Variants in VPS13D observed in about 807,000 individuals in gnomAD.
VPS13D encodes intermembrane lipid transfer protein VPS13D.
Under a neutral mutation model 461.9 loss-of-function variants are expected in VPS13D, and 187 were observed. The observed-to-expected ratio is 0.40, with a 90% CI of 0.36 to 0.46. The LOEUF (loss-of-function observed/expected upper bound fraction) is 0.46. Ranked by LOEUF, VPS13D falls within the 20% of genes least tolerant of loss-of-function variation. VPS13D has a pLI of 0.60. For missense variants in VPS13D, 4,711 were observed against 5,364.9 expected (o/e 0.88, Z 3.81); for synonymous variants, 1,951 against 1,986.3 (o/e 0.98, Z 0.47).
rs1276510995 is a variant in VPS13D at position 12,356,476 on chromosome 1, G to A, written c.9950G>A (p.Ser3317Asn). 6.2e-7 allele frequency: 1 copy of A among 1,614,102 alleles called. No homozygotes were observed. The highest frequency in any genetic ancestry group is 1.1e-5 in the South Asian group (1 of 91,074). Residue 3317 changes from serine (S) to asparagine (N), a missense_variant, in exon 49 of 70, where the codon AGC becomes AAC. By Grantham distance (46) the Ser-to-Asn change is conservative. Transcript: ENST00000620676. ...GQFEEHELAR[S>N]LSPLLFCYAD... ...TTTGAGGAGCATGAGCTGGCCCGTA[G>A]CCTGAGTCCTCTCTTATTCTGCTAT...
chr1:12,506,741 G>A, intron 68 of VPS13D, 112 bp from the exon 69 acceptor site: 2 of 1,375,072 alleles, frequency 1.5e-6, no homozygotes, highest in Non-Finnish European at 2.0e-6. Context: ...TTCCCGGCAA[G>A]GGGGCCGGGA....
At chr1:12,368,921 T>G (rs1252593346) in intron 53 of VPS13D, among the ~76,000 whole-genome samples, 1 of 152,204 alleles carries the variant, frequency 6.6e-6, no homozygotes, top group African/African-American at 2.4e-5. Context: ...TCAGTGACAA[T>G]GGGAATGGGC....
intron 21 of VPS13D, among the ~76,000 whole-genome samples, chr1:12,284,531 C>T (rs1265254231): frequency 6.6e-6 from 1 of 152,118 alleles, no homozygotes; most frequent in Non-Finnish European, 1.5e-5. Flanking sequence ...TGTGATAGAC[C>T]AGTAGGATGT....
chr1:12,368,571 C>T lies in VPS13D; in HGVS notation c.10552C>T (p.Arg3518Ter), dbSNP rs752094174. 8 of 1,612,838 alleles carry T rather than the reference C, an allele frequency of 5.0e-6. No individual in the cohort carries two copies. Among genetic ancestry groups the T allele is most frequent in the Admixed American group, 1.7e-5 (1 of 59,768 alleles). ...CACAGATCAGTTACCTCCTCCTTTC[C>T]GAATTGACAACTTTTCTAAGGTATC... ...SDTDQLPPPF[R>*]IDNFSKVPVV... The change falls in exon 53 of 70, where the codon CGA (arginine) becomes TGA (stop). Residue 3518 changes from arginine (R) to a stop codon, truncating the protein, a stop_gained. Coordinates refer to ENST00000620676, the MANE Select transcript of VPS13D (RefSeq NM_015378.4). LOFTEE classifies it high-confidence loss of function.
At chr1:12,406,210 A>C (rs565348277) in intron 63 of VPS13D, among the ~76,000 whole-genome samples, 1 of 152,328 alleles carries the variant, frequency 6.6e-6, no homozygotes, top group East Asian at 1.9e-4. Flanking sequence ...TGTGGGAGTC[A>C]CATTTTACTG....
intron 46 of VPS13D, among the ~76,000 whole-genome samples, chr1:12,352,425 G>A (rs1476593836): frequency 6.6e-6 from 1 of 152,086 alleles, no homozygotes; most frequent in African/African-American, 2.4e-5. Flanking sequence ...ATAGACAAAA[G>A]AACGGACAAT....
At chr1:12,422,848 C>CT (rs748419781) in intron 65 of VPS13D, among the ~76,000 whole-genome samples, 1,613 of 130,498 alleles carry the variant, frequency 0.012, 15 homozygotes, top group African/African-American at 0.031. Flanking sequence ...TTTTGAAGGT[C>CT]TTTTTTTTTT....
chr1:12,307,936 A>G (rs1328730284), intron 26 of VPS13D, among the ~76,000 whole-genome samples: 1 of 152,184 alleles, frequency 6.6e-6, no homozygotes, highest in Non-Finnish European at 1.5e-5. Flanking sequence ...TGTAGGCCTA[A>G]TGGAGGAGAG....
chr1:12,244,136 AAGT>A (rs1640471027), intron 3 of VPS13D, 107 bp from the exon 4 acceptor site: 2 of 1,114,088 alleles, frequency 1.8e-6, no homozygotes, highest in African/African-American at 3.2e-5. Flanking sequence ...AAATAAAAAA[AAGT>A]AGTAACAGCA....
intron 65 of VPS13D, among the ~76,000 whole-genome samples, chr1:12,418,062 A>G (rs1013632558): frequency 1.6e-4 from 24 of 152,104 alleles, no homozygotes; most frequent in Non-Finnish European, 3.1e-4. Flanking sequence ...GCCCGGCACC[A>G]CACCCCATTG....
intron 67 of VPS13D, among the ~76,000 whole-genome samples, chr1:12,463,870 T>G (rs1284507459): frequency 6.6e-6 from 1 of 152,184 alleles, no homozygotes; most frequent in Non-Finnish European, 1.5e-5. Flanking sequence ...GTTTTAGTTT[T>G]TTCATCTATA....
chr1:12,358,340 G>T, intron 49 of VPS13D, 119 bp from the exon 50 acceptor site: 1 of 1,329,448 alleles, frequency 7.5e-7, no homozygotes, highest in South Asian at 1.4e-5. Flanking sequence ...GAGTGAGGAA[G>T]AGAGTCAGTG....
chr1:12,254,511 A>ATTTTTT (rs1330509857), intron 7 of VPS13D, among the ~76,000 whole-genome samples: 1 of 120,164 alleles, frequency 8.3e-6, no homozygotes, highest in Non-Finnish European at 1.7e-5. Flanking sequence ...AAAAATCTCA[A>ATTTTTT]TCTTTTTTTT....
chr1:12,257,104 G>A lies in VPS13D; in HGVS notation c.941+17G>A, dbSNP rs1640947861. 6.2e-7 allele frequency: 1 copy of A among 1,608,456 alleles called. No homozygotes were observed. On this transcript the variant is annotated intron_variant, in intron 9 of 69. Coordinates refer to ENST00000620676, the MANE Select transcript of VPS13D (RefSeq NM_015378.4). ...ATCTAAGAAGTAAGGGCTTCTCAGT[G>A]TGGTCATGAAATTCATGTTAGAGCC...
chr1:12,405,134 G>A (rs1487063473), intron 63 of VPS13D, among the ~76,000 whole-genome samples: 1 of 152,230 alleles, frequency 6.6e-6, no homozygotes, highest in East Asian at 1.9e-4. Context: ...CCGGGGTGGT[G>A]TCGTGTCTGC....
intron 47 of VPS13D, among the ~76,000 whole-genome samples, chr1:12,355,228 A>T (rs986566530): frequency 6.6e-6 from 1 of 152,210 alleles, no homozygotes; most frequent in Non-Finnish European, 1.5e-5. Flanking sequence ...TTGTCTACCT[A>T]TTAAGTTAGC....
At chr1:12,395,924 TC>T (rs1644488791) in intron 60 of VPS13D, among the ~76,000 whole-genome samples, 1 of 145,758 alleles carries the variant, frequency 6.9e-6, no homozygotes. Flanking sequence ...AATATTCTGT[TC>T]CTCTAGAACC....
intron 21 of VPS13D, among the ~76,000 whole-genome samples, chr1:12,286,005 C>G (rs12723786): frequency 6.9e-6 from 1 of 144,940 alleles, no homozygotes; most frequent in Non-Finnish European, 1.5e-5. Flanking sequence ...CTCCTCTCCT[C>G]TCCTCTCCTC....
chr1:12,361,580 A>G (rs955507243), intron 50 of VPS13D, among the ~76,000 whole-genome samples: 3 of 150,584 alleles, frequency 2.0e-5, no homozygotes, highest in South Asian at 2.1e-4. Context: ...TATTTTTAGT[A>G]GAGACGGGGT....
Sources: gnomAD v4.1 joint callset for allele counts (sites outside exome capture counted in the v4.1 genomes callset) on GRCh38, gnomAD v4.1.1 for gene constraint, MANE v1.5 for transcripts, NCBI Gene and HGNC (gene_info 2026-07-23, HGNC 2026-07-21) for gene names.